The following STAG1 variants were observed in gnomAD, a reference collection of about 807,000 sequenced individuals.
The protein encoded by STAG1 is STAG1 cohesin complex component.
In STAG1, 26 loss-of-function variants were observed where a neutral mutation model predicts 170.9. That is an observed-to-expected ratio of 0.15 (90% confidence interval 0.11 to 0.21). The LOEUF is 0.21. Among genes scored for constraint, STAG1 ranks in the 10% least tolerant of loss-of-function variants. The pLI is 1.00. For missense variants in STAG1, 964 were observed against 1,509.5 expected (o/e 0.64, Z 5.99); for synonymous variants, 514 against 497.7 (o/e 1.03, Z -0.44).
intron 7 of STAG1, among the ~76,000 whole-genome samples, chr3:136,517,079 A>G (rs1373178557): frequency 2.0e-5 from 3 of 152,222 alleles, no homozygotes; most frequent in Non-Finnish European, 4.4e-5. Context: ...TTCTATAAGA[A>G]AAGTTAATCA....
At chr3:136,380,194 T>C (rs1937875119) in intron 22 of STAG1, among the ~76,000 whole-genome samples, 1 of 152,136 alleles carries the variant, frequency 6.6e-6, no homozygotes, top group African/African-American at 2.4e-5. Context: ...CTAAAGTCCA[T>C]GTTCTTAATC....
intron 9 of STAG1, among the ~76,000 whole-genome samples, chr3:136,486,042 G>C (rs902897471): frequency 6.6e-6 from 1 of 152,078 alleles, no homozygotes; most frequent in Non-Finnish European, 1.5e-5. Flanking sequence ...ATACTGCATC[G>C]GGACCCATTA....
chr3:136,372,908 G>C (rs1327683804), intron 23 of STAG1, among the ~76,000 whole-genome samples: 1 of 152,142 alleles, frequency 6.6e-6, no homozygotes, highest in African/African-American at 2.4e-5. Context: ...GATTGGAATA[G>C]TTTCAGAAGG....
intron 3 of STAG1, among the ~76,000 whole-genome samples, chr3:136,610,359 A>G (rs1205214095): frequency 6.6e-6 from 1 of 151,992 alleles, no homozygotes; most frequent in African/African-American, 2.4e-5. Context: ...CTAAAAACCA[A>G]CAAACAAACA....
intron 21 of STAG1, among the ~76,000 whole-genome samples, chr3:136,416,476 A>T (rs1404906275): frequency 1.3e-5 from 2 of 152,274 alleles, no homozygotes; most frequent in East Asian, 3.8e-4. Flanking sequence ...ATGATGGTAT[A>T]GTAAGTCTAA....
intron 6 of STAG1, among the ~76,000 whole-genome samples, chr3:136,528,945 A>C (rs1342590015): frequency 6.6e-6 from 1 of 151,458 alleles, no homozygotes; most frequent in African/African-American, 2.4e-5. Context: ...GCAAAAAACA[A>C]AACAAAACAA....
chr3:136,474,772 C>T (rs1375289901), intron 10 of STAG1, among the ~76,000 whole-genome samples: 1 of 152,214 alleles, frequency 6.6e-6, no homozygotes, highest in Non-Finnish European at 1.5e-5. Context: ...GTCCCCTTTA[C>T]TGGGCTAATT....
intron 8 of STAG1, among the ~76,000 whole-genome samples, chr3:136,501,704 T>C (rs933958465): frequency 3.3e-5 from 5 of 152,228 alleles, no homozygotes; most frequent in Non-Finnish European, 5.9e-5. Context: ...ATCAAACTAA[T>C]ACAGTATGGC....
At chr3:136,600,127 T>G (rs1938600427) in intron 4 of STAG1, among the ~76,000 whole-genome samples, 1 of 152,212 alleles carries the variant, frequency 6.6e-6, no homozygotes. Context: ...GTAAGTGATG[T>G]TTTAATAAAA....
chr3:136,347,890 G>T (rs544693808), intron 29 of STAG1, among the ~76,000 whole-genome samples: 11 of 152,172 alleles, frequency 7.2e-5, no homozygotes, highest in Non-Finnish European at 1.5e-4. Flanking sequence ...ACTTAGAGAG[G>T]TTAAGTAATA....
chr3:136,431,094 G>C (rs2088289858), intron 16 of STAG1, among the ~76,000 whole-genome samples: 1 of 151,848 alleles, frequency 6.6e-6, no homozygotes, highest in African/African-American at 2.4e-5. Flanking sequence ...AGTAGAGATG[G>C]GGTTTCGCCA....
chr3:136,453,017 T>C (rs2088990287), intron 13 of STAG1, among the ~76,000 whole-genome samples: 1 of 152,162 alleles, frequency 6.6e-6, no homozygotes, highest in Non-Finnish European at 1.5e-5. Flanking sequence ...CTCGAACTCC[T>C]GACCTCAAGT....
intron 5 of STAG1, among the ~76,000 whole-genome samples, chr3:136,549,359 G>A (rs1331211545): frequency 1.3e-5 from 2 of 151,782 alleles, no homozygotes; most frequent in Non-Finnish European, 2.9e-5. Flanking sequence ...CACCCAAGCT[G>A]GAGTGCAATG....
chr3:136,690,056 CAAAAAAAAA>C (rs57082567), intron 1 of STAG1, among the ~76,000 whole-genome samples: 169 of 56,370 alleles, frequency 3.0e-3, no homozygotes, highest in East Asian at 0.028. Flanking sequence ...AAAAGCAAAC[CAAAAAAAAA>C]AAAAAAAAAA....
chr3:136,660,260 T>A (rs1036087724), intron 1 of STAG1, among the ~76,000 whole-genome samples: 1 of 152,206 alleles, frequency 6.6e-6, no homozygotes, highest in East Asian at 1.9e-4. Flanking sequence ...AGTAAAGTCA[T>A]TTCCACAGTG....
At chr3:136,709,060 T>C (rs1039216537) in intron 1 of STAG1, among the ~76,000 whole-genome samples, 2 of 146,928 alleles carry the variant, frequency 1.4e-5, no homozygotes, top group African/African-American at 5.1e-5. Context: ...GAGGCTGAGA[T>C]GGGTGGATCA....
chr3:136,704,821 C>CAAAA (rs67207510), intron 1 of STAG1, among the ~76,000 whole-genome samples: 4 of 51,432 alleles, frequency 7.8e-5, no homozygotes, highest in Non-Finnish European at 1.1e-4. Flanking sequence ...GTCCCTGTCT[C>CAAAA]AAAAAAAAAA....
chr3:136,704,113 C>A (rs1292605771), intron 1 of STAG1, among the ~76,000 whole-genome samples: 1 of 147,824 alleles, frequency 6.8e-6, no homozygotes, highest in East Asian at 2.1e-4. Context: ...TGCAGTGGTG[C>A]GATCTCGGCT....
chr3:136,669,769 T>C (rs1941923396), intron 1 of STAG1, among the ~76,000 whole-genome samples: 1 of 152,230 alleles, frequency 6.6e-6, no homozygotes, highest in Non-Finnish European at 1.5e-5. Flanking sequence ...TCTAACAAAC[T>C]GACTTCTCAC....
Sources: allele counts gnomAD v4.1 joint callset (sites outside exome capture counted in the v4.1 genomes callset), GRCh38; gene constraint gnomAD v4.1.1; transcripts MANE v1.5; gene names NCBI Gene and HGNC (gene_info 2026-07-23, HGNC 2026-07-21).